Variants in KAT6B observed in about 807,000 individuals in gnomAD.
KAT6B encodes the protein histone acetyltransferase KAT6B.
Under a neutral mutation model 187.5 loss-of-function variants are expected in KAT6B, and 10 were observed. The ratio of observed to expected loss-of-function variants is 0.05; its 90% CI spans 0.03 to 0.09. The LOEUF is 0.09. Ranked by LOEUF, KAT6B falls within the 10% of genes least tolerant of loss-of-function variation. The pLI is 1.00. For synonymous variants in KAT6B, 861 were observed against 926.8 expected (o/e 0.93, Z 1.29); for missense variants, 1,952 against 2,558.9 (o/e 0.76, Z 5.12).
chr10:74,834,283 C>G (rs927442662), intron 1 of KAT6B, among the ~76,000 whole-genome samples: 18 of 151,814 alleles, frequency 1.2e-4, no homozygotes, highest in African/African-American at 4.4e-4. Context: ...CTGCATCCAC[C>G]ACCTCCGGGG....
At chr10:74,858,165 A>G (rs533606392) in intron 3 of KAT6B, among the ~76,000 whole-genome samples, 8 of 218 alleles carry the variant, frequency 0.037, no homozygotes, top group East Asian at 0.25. Context: ...GAGAGCAGGA[A>G]CGGGGGCGTG....
At chr10:74,930,995 G>A (rs116200955) in intron 3 of KAT6B, among the ~76,000 whole-genome samples, 1 of 152,094 alleles carries the variant, frequency 6.6e-6, no homozygotes, top group Non-Finnish European at 1.5e-5. Context: ...TTTAATTAAG[G>A]TTCTTGATTA....
At chr10:75,016,486 G>A (rs966278672) in intron 13 of KAT6B, among the ~76,000 whole-genome samples, 1 of 152,202 alleles carries the variant, frequency 6.6e-6, no homozygotes, top group Middle Eastern at 3.2e-3. Flanking sequence ...TAAAGCAAAA[G>A]AGGAAGCCAG....
At chr10:74,931,509 A>C (rs1224314274) in intron 3 of KAT6B, among the ~76,000 whole-genome samples, 1 of 152,116 alleles carries the variant, frequency 6.6e-6, no homozygotes, top group Non-Finnish European at 1.5e-5. Context: ...AACTTCAAAA[A>C]CCTGAATTTT....
intron 3 of KAT6B, among the ~76,000 whole-genome samples, chr10:74,883,331 A>C (rs1438571409): frequency 1.3e-5 from 2 of 152,176 alleles, no homozygotes; most frequent in East Asian, 3.9e-4. Context: ...TCAGGATGAC[A>C]AACAGCTCTT....
Position 75,031,412 on chromosome 10 carries a change from T to G in KAT6B, c.*366T>G, listed in dbSNP as rs1183932397. 4 of 369,458 alleles carry G rather than the reference T, an allele frequency of 1.1e-5. No homozygotes were observed. Among genetic ancestry groups the G allele is most frequent in the Non-Finnish European group, 2.0e-5 (4 of 200,776 alleles). 22.9% of individuals were successfully genotyped at this position (369,458 alleles called of 1,614,324 possible). On this transcript the variant is annotated 3_prime_UTR_variant, in exon 18 of 18. Transcript: ENST00000287239. ...CTGTTTTAATATTGAACCTAGAGCT[T>G]TTTTTTTCCCTTCCCTGTCCACTCC...
intron 3 of KAT6B, among the ~76,000 whole-genome samples, chr10:74,854,176 C>T (rs983960519): frequency 2.0e-5 from 3 of 152,182 alleles, no homozygotes; most frequent in African/African-American, 7.2e-5. Context: ...TTAGCAAATG[C>T]GTCAGCCATG....
At chr10:74,969,406 ATTG>A (rs920014694) in intron 4 of KAT6B, among the ~76,000 whole-genome samples, 6 of 152,182 alleles carry the variant, frequency 3.9e-5, no homozygotes, top group African/African-American at 1.2e-4. Context: ...AAGGCTTCAG[ATTG>A]GAATTGGTAT....
At chr10:74,909,587 C>T (rs995316498) in intron 3 of KAT6B, among the ~76,000 whole-genome samples, 2 of 152,204 alleles carry the variant, frequency 1.3e-5, no homozygotes, top group East Asian at 1.9e-4. Context: ...CTCACCTTCT[C>T]TGCCTCACAG....
chr10:74,910,690 G>T (rs1847139830), intron 3 of KAT6B, among the ~76,000 whole-genome samples: 1 of 151,036 alleles, frequency 6.6e-6, no homozygotes, highest in African/African-American at 2.4e-5. Context: ...CAAACATCAT[G>T]GACTACAGAT....
chr10:74,977,239 G>T, intron 8 of KAT6B, 77 bp from the exon 9 acceptor site: 1 of 1,528,836 alleles, frequency 6.5e-7, no homozygotes. Context: ...TGCTAATTTG[G>T]TGCCATTTTG....
chr10:74,926,175 C>T (rs746620856), intron 3 of KAT6B, among the ~76,000 whole-genome samples: 6 of 152,190 alleles, frequency 3.9e-5, no homozygotes, highest in Non-Finnish European at 4.4e-5. Flanking sequence ...TGTATCCAGC[C>T]GGGCACAGTG....
At chr10:74,919,695 T>C (rs1847972946) in intron 3 of KAT6B, among the ~76,000 whole-genome samples, 1 of 152,200 alleles carries the variant, frequency 6.6e-6, no homozygotes, top group South Asian at 2.1e-4. Context: ...TGAGCCACCA[T>C]ACCCAGCCTG....
chr10:74,871,607 G>A (rs982929902), intron 3 of KAT6B, among the ~76,000 whole-genome samples: 3 of 152,208 alleles, frequency 2.0e-5, no homozygotes, highest in African/African-American at 7.2e-5. Flanking sequence ...TAAGACAGGA[G>A]GATTGCTTGA....
At chr10:74,904,031 T>A (rs549118566) in intron 3 of KAT6B, among the ~76,000 whole-genome samples, 45 of 152,278 alleles carry the variant, frequency 3.0e-4, no homozygotes, top group African/African-American at 1.0e-3. Context: ...CAGGTGTGTA[T>A]TAGTGAGCAT....
At chr10:74,964,786 C>T (rs777621688) in intron 4 of KAT6B, among the ~76,000 whole-genome samples, 5 of 152,190 alleles carry the variant, frequency 3.3e-5, no homozygotes, top group African/African-American at 4.8e-5. Context: ...GCACACCGTT[C>T]GCTACTCACT....
At chr10:74,967,567 T>G (rs1015331187) in intron 4 of KAT6B, among the ~76,000 whole-genome samples, 1 of 152,162 alleles carries the variant, frequency 6.6e-6, no homozygotes, top group Non-Finnish European at 1.5e-5. Flanking sequence ...TCATAGAAAT[T>G]TAGAACTGTA....
intron 12 of KAT6B, among the ~76,000 whole-genome samples, chr10:74,986,934 TGTAG>T (rs1478656951): frequency 6.6e-6 from 1 of 152,158 alleles, no homozygotes; most frequent in African/African-American, 2.4e-5. Context: ...AGCAGCCATG[TGTAG>T]AGTTGGTGGT....
intron 3 of KAT6B, among the ~76,000 whole-genome samples, chr10:74,920,228 T>A (rs185388475): frequency 3.3e-5 from 5 of 152,294 alleles, no homozygotes; most frequent in Admixed American, 3.3e-4. Context: ...GTATTGTGAG[T>A]TGGGCTGCAA....
Sources: gnomAD v4.1 joint callset for allele counts (sites outside exome capture counted in the v4.1 genomes callset) on GRCh38, gnomAD v4.1.1 for gene constraint, MANE v1.5 for transcripts, NCBI Gene and HGNC (gene_info 2026-07-23, HGNC 2026-07-21) for gene names.